The following PTPRD variants were observed in gnomAD, a reference collection of about 807,000 sequenced individuals.
PTPRD encodes the protein protein tyrosine phosphatase receptor type D.
PTPRD carries 34 observed loss-of-function variants against 214.5 expected under a neutral mutation model. The ratio of observed to expected loss-of-function variants is 0.16; its 90% CI spans 0.12 to 0.21. The LOEUF is 0.21. Among genes scored for constraint, PTPRD ranks in the 10% least tolerant of loss-of-function variants. The pLI is 1.00. For missense variants in PTPRD, 2,545 were observed against 2,398.7 expected, an observed-to-expected ratio of 1.06 and a Z score of -1.27; for synonymous variants, 1,128 against 845.7, an observed-to-expected ratio of 1.33 and a Z score of -5.79.
chr9:9,395,010 G>A (rs1177453589), intron 9 of PTPRD, among the ~76,000 whole-genome samples: 1 of 152,012 alleles, frequency 6.6e-6, no homozygotes, highest in African/African-American at 2.4e-5. Context: ...TTTTGGTACA[G>A]GGGTTTTTCC....
At chr9:10,574,542 AT>A (rs1015789877) in intron 2 of PTPRD, among the ~76,000 whole-genome samples, 14 of 151,150 alleles carry the variant, frequency 9.3e-5, no homozygotes, top group Admixed American at 4.0e-4. Flanking sequence ...AGGAAAAAAA[AT>A]ATATCATTTC....
intron 2 of PTPRD, among the ~76,000 whole-genome samples, chr9:10,411,618 T>C (rs1056731613): frequency 2.0e-5 from 3 of 151,900 alleles, no homozygotes; most frequent in African/African-American, 7.2e-5. Context: ...ATATTGTGCC[T>C]GAATTTGCAA....
chr9:8,378,644 TAAAC>T (rs932028444), intron 37 of PTPRD, among the ~76,000 whole-genome samples: 5 of 152,036 alleles, frequency 3.3e-5, no homozygotes, highest in African/African-American at 9.7e-5. Flanking sequence ...CGGTTTAAAA[TAAAC>T]TAATGAAATC....
chr9:9,510,072 T>C (rs1460403129), intron 8 of PTPRD, among the ~76,000 whole-genome samples: 2 of 151,628 alleles, frequency 1.3e-5, no homozygotes. Flanking sequence ...TCCATGTCTG[T>C]TTCCCACAGG....
intron 10 of PTPRD, among the ~76,000 whole-genome samples, chr9:9,098,236 C>A (rs1223709005): frequency 6.6e-6 from 1 of 151,964 alleles, no homozygotes; most frequent in Admixed American, 6.6e-5. Flanking sequence ...ATTTTTGACT[C>A]CTATTCTTTT....
At chr9:9,601,137 GTGTGTGTGTGTGT>G (rs2093720965) in intron 7 of PTPRD, among the ~76,000 whole-genome samples, 1 of 127,644 alleles carries the variant, frequency 7.8e-6, no homozygotes, top group Admixed American at 7.6e-5. Context: ...GTGTGTGTGT[GTGTGTGTGTGTGT>G]ATGGGGGGGG....
intron 6 of PTPRD, among the ~76,000 whole-genome samples, chr9:9,742,768 C>G (rs943377852): frequency 5.3e-5 from 8 of 152,134 alleles, no homozygotes; most frequent in Non-Finnish European, 1.0e-4. Flanking sequence ...AATATCAACT[C>G]TTTCCTTCCT....
chr9:10,221,695 T>C (rs1372361501), intron 3 of PTPRD, among the ~76,000 whole-genome samples: 1 of 151,958 alleles, frequency 6.6e-6, no homozygotes, highest in Non-Finnish European at 1.5e-5. Flanking sequence ...ATTAAGTACA[T>C]CCACAATTTT....
intron 11 of PTPRD, among the ~76,000 whole-genome samples, chr9:8,803,923 T>A (rs2096621385): frequency 1.3e-5 from 2 of 149,232 alleles, no homozygotes; most frequent in Non-Finnish European, 3.0e-5. Context: ...ATCTACTGGA[T>A]TTTTTTTTTA....
chr9:10,193,341 T>C (rs1243560105), intron 3 of PTPRD, among the ~76,000 whole-genome samples: 1 of 152,034 alleles, frequency 6.6e-6, no homozygotes, highest in Non-Finnish European at 1.5e-5. Flanking sequence ...CCACCTAGAC[T>C]GTGTTTAAAA....
intron 2 of PTPRD, among the ~76,000 whole-genome samples, chr9:10,465,451 C>A (rs1024209821): frequency 2.0e-5 from 3 of 152,078 alleles, no homozygotes; most frequent in Non-Finnish European, 4.4e-5. Flanking sequence ...TATAGGCTTA[C>A]CACAATTCCA....
At chr9:10,483,951 T>A (rs1347963847) in intron 2 of PTPRD, among the ~76,000 whole-genome samples, 1 of 152,060 alleles carries the variant, frequency 6.6e-6, no homozygotes, top group East Asian at 1.9e-4. Flanking sequence ...AATTAAATCA[T>A]CATATCAAAA....
In PTPRD at chr9:9,903,882, C is replaced by G. The variant is rs549131420; in HGVS notation, c.-368+34625G>C. Reference sequence around the variant, plus strand: ...TCTTCTAAGTTACATTTGACCATAACAATAAACTCGGTTTTCAAAATGTGT... The same window carrying G: ...TCTTCTAAGTTACATTTGACCATAAGAATAAACTCGGTTTTCAAAATGTGT... On this transcript the variant is annotated intron_variant, in intron 5 of 45. Coordinates refer to ENST00000381196, the MANE Select transcript of PTPRD (RefSeq NM_002839.4). 9.2e-5 allele frequency among the ~76,000 whole-genome samples: 14 copies of G among 152,222 alleles called. No homozygotes were observed. The South Asian group carries it at 2.9e-3, about 32-fold the overall frequency.
At chr9:9,845,613 T>A (rs973524938) in intron 5 of PTPRD, among the ~76,000 whole-genome samples, 1 of 151,958 alleles carries the variant, frequency 6.6e-6, no homozygotes, top group South Asian at 2.1e-4. Flanking sequence ...ATATTCAAAA[T>A]CATGTCCTAT....
At chr9:8,412,755 T>C (rs1321003761) in intron 35 of PTPRD, among the ~76,000 whole-genome samples, 2 of 152,178 alleles carry the variant, frequency 1.3e-5, no homozygotes, top group African/African-American at 4.8e-5. Flanking sequence ...AACTGCTCAA[T>C]TTAACAAATA....
At chr9:9,972,766 T>G (rs955475526) in intron 4 of PTPRD, among the ~76,000 whole-genome samples, 3 of 152,134 alleles carry the variant, frequency 2.0e-5, no homozygotes, top group African/African-American at 7.2e-5. Context: ...CCTTGTCTTG[T>G]GGCTTACGGG....
intron 5 of PTPRD, chr9:9,803,588 G>A (rs2099055165): frequency 6.6e-6 from 1 of 151,910 alleles, no homozygotes; most frequent in Admixed American, 6.6e-5. Flanking sequence ...TAAGGCATCT[G>A]ACAAATAAAT....
chr9:8,793,052 C>T (rs1247473815), intron 11 of PTPRD, among the ~76,000 whole-genome samples: 2 of 152,148 alleles, frequency 1.3e-5, no homozygotes, highest in Non-Finnish European at 1.5e-5. Context: ...GGTCCTGTAG[C>T]GCTTTAGCGG....
At chr9:8,895,686 A>G (rs560302548) in intron 11 of PTPRD, among the ~76,000 whole-genome samples, 54 of 152,188 alleles carry the variant, frequency 3.5e-4, no homozygotes, top group Non-Finnish European at 6.9e-4. Context: ...TCACTTCAGC[A>G]TGTCACACTT....
Sources: allele counts gnomAD v4.1 joint callset (sites outside exome capture counted in the v4.1 genomes callset), GRCh38; gene constraint gnomAD v4.1.1; transcripts MANE v1.5; gene names NCBI Gene and HGNC (gene_info 2026-07-23, HGNC 2026-07-21).